Variants in CPM observed in about 807,000 individuals in gnomAD.
CPM encodes the protein renal carboxypeptidase.
A neutral mutation model predicts 46.4 loss-of-function variants in CPM; 35 were observed. The ratio of observed to expected loss-of-function variants is 0.75; its 90% CI spans 0.58 to 1.00. CPM has a LOEUF of 1.00. Ranked by LOEUF, CPM falls within the 50% of genes least tolerant of loss-of-function variation. The pLI is 0.00. For missense variants in CPM, 422 were observed against 530.4 expected, an observed-to-expected ratio of 0.80 and a Z score of 2.01; for synonymous variants, 195 against 195.3, an observed-to-expected ratio of 1.00 and a Z score of 0.01.
rs151276569 is a variant in CPM at position 68,892,548 on chromosome 12, A to G, written c.161-6659T>C. ...CCTGCACTCAGTTTGAATGCTAGTC[A>G]GCAAATAGGCTAAGAAAGTAGGGTA... On this transcript the variant is annotated intron_variant, in intron 2 of 8. Transcript: ENST00000551568. 1.3e-3 allele frequency among the ~76,000 whole-genome samples: 191 copies of G among 152,302 alleles called. 1 individual carries two copies. Among genetic ancestry groups the G allele is most frequent in the African/African-American group, 4.5e-3 (185 of 41,556 alleles).
chr12:68,892,295 T>G (rs1886688032), intron 2 of CPM, among the ~76,000 whole-genome samples: 1 of 152,230 alleles, frequency 6.6e-6, no homozygotes, highest in Admixed American at 6.5e-5. Context: ...GGTTATTGTC[T>G]GTCTCCCCTC....
chr12:68,932,508 A>G (rs1017788553), intron 2 of CPM, among the ~76,000 whole-genome samples, 170 bp downstream of exon 2: 1 of 152,210 alleles, frequency 6.6e-6, no homozygotes, highest in African/African-American at 2.4e-5. Context: ...TCTTCCTACT[A>G]TTCCTCCCAA....
chr12:68,879,517 C>T (rs1287309002), intron 3 of CPM, among the ~76,000 whole-genome samples: 2 of 152,158 alleles, frequency 1.3e-5, no homozygotes, highest in Non-Finnish European at 1.5e-5. Context: ...GTATGCACCA[C>T]CCCACCTAGC....
intron 1 of CPM, chr12:68,957,436 C>A: frequency 3.7e-6 from 1 of 270,032 alleles, no homozygotes. Flanking sequence ...CCCTTCTGAG[C>A]TCCCTGTCTT....
At chr12:68,928,617 T>G (rs116931670) in intron 2 of CPM, among the ~76,000 whole-genome samples, 7,020 of 152,320 alleles carry the variant, frequency 0.046, 236 homozygotes, top group Middle Eastern at 0.11. Context: ...TAACAGAGAC[T>G]ACTAAATTTG....
chr12:68,895,349 G>A (rs1248474268), intron 2 of CPM, among the ~76,000 whole-genome samples: 1 of 152,164 alleles, frequency 6.6e-6, no homozygotes, highest in African/African-American at 2.4e-5. Context: ...TCTGACATAA[G>A]ACAGGCAATG....
In CPM at chr12:68,851,863, C is replaced by A. The variant is rs1592623339; in HGVS notation, c.*4574G>T. ...GTCATCATAATTTTCTCCCCCTTCCCCCTTCTAAAGTCATGAGGAAAATAT... is the reference window on the plus strand; with the variant it reads ...GTCATCATAATTTTCTCCCCCTTCCACCTTCTAAAGTCATGAGGAAAATAT... On this transcript the variant is annotated 3_prime_UTR_variant, in exon 9 of 9. Transcript: ENST00000551568. The A allele has an allele frequency of 6.6e-6, 1 of 152,288 alleles. No individual in the cohort carries two copies. Among genetic ancestry groups the A allele is most frequent in the South Asian group, 2.1e-4 (1 of 4,826 alleles). 9.4% of individuals were successfully genotyped at this position (152,288 alleles called of 1,614,324 possible).
chr12:68,929,265 C>T (rs1376525671), intron 2 of CPM, among the ~76,000 whole-genome samples: 3 of 152,098 alleles, frequency 2.0e-5, no homozygotes, highest in Non-Finnish European at 4.4e-5. Flanking sequence ...GAATGACACA[C>T]ACGTTTGTTT....
At chr12:68,865,886 G>T (rs1885420685) in intron 7 of CPM, among the ~76,000 whole-genome samples, 1 of 152,178 alleles carries the variant, frequency 6.6e-6, no homozygotes, top group African/African-American at 2.4e-5. Flanking sequence ...TGGACCAGCA[G>T]CATCAGCATC....
rs1264339714 is a variant in CPM, at chr12:68,854,742, G to T, written c.*1695C>A. On this transcript the variant is annotated 3_prime_UTR_variant, in exon 9 of 9. Coordinates refer to ENST00000551568, the MANE Select transcript of CPM (RefSeq NM_198320.5). ...TGGACGATGGACTGAAGAGGAGAAG[G>T]CTGGGAGCAAGGGACCAGTAAGCTG... 6.6e-6 allele frequency: 1 copy of T among 152,484 alleles called. No homozygotes were observed. The highest frequency in any genetic ancestry group is 1.5e-5 in the Non-Finnish European group (1 of 68,266). The allele number at this position is 152,484 out of a possible 1,614,324, so 9.4% of individuals were successfully genotyped here.
At chr12:68,913,432 C>T (rs1398832622) in intron 2 of CPM, among the ~76,000 whole-genome samples, 1 of 152,140 alleles carries the variant, frequency 6.6e-6, no homozygotes, top group Non-Finnish European at 1.5e-5. Flanking sequence ...GATCTTTTGC[C>T]TAACCCAACA....
In CPM at chr12:68,869,461, A is replaced by G. The variant is rs1242827191; in HGVS notation, c.651T>C (p.Pro217=). The change falls in exon 6 of 9, where the codon CCT becomes CCC. Residue 217 remains proline (P), a synonymous_variant. Coordinates refer to ENST00000551568, the MANE Select transcript of CPM (RefSeq NM_198320.5). ...TGALYSRSLT[P]DDDVFQYLAH... The stretch of plus-strand genomic sequence containing the variant: ...CAAGATATTGAAAAACATCATCATC[A>G]GGCGTTAAGCTTCGGGAGTATAATG... 6.2e-7 allele frequency: 1 copy of G among 1,612,868 alleles called. No homozygotes were observed. The highest frequency in any genetic ancestry group is 2.2e-5 in the East Asian group (1 of 44,846).
intron 3 of CPM, among the ~76,000 whole-genome samples, chr12:68,875,729 C>T (rs1885921774): frequency 6.6e-6 from 1 of 150,448 alleles, no homozygotes; most frequent in Non-Finnish European, 1.5e-5. Flanking sequence ...TCGCTTGAAC[C>T]TGGGAGTTGG....
intron 2 of CPM, among the ~76,000 whole-genome samples, chr12:68,889,201 T>C (rs1417601332): frequency 6.6e-6 from 1 of 152,188 alleles, no homozygotes; most frequent in Non-Finnish European, 1.5e-5. Context: ...GAGAGGTAGT[T>C]GATATTTAGG....
At chr12:68,955,456 C>T (rs1329865460) in intron 1 of CPM, among the ~76,000 whole-genome samples, 1 of 151,736 alleles carries the variant, frequency 6.6e-6, no homozygotes, top group Non-Finnish European at 1.5e-5. Context: ...AGGGCCGCAG[C>T]TCTTCTCTTC....
chr12:68,924,906 T>C (rs1050173883), intron 2 of CPM, among the ~76,000 whole-genome samples: 1 of 152,204 alleles, frequency 6.6e-6, no homozygotes, highest in East Asian at 1.9e-4. Context: ...ACATAGTACT[T>C]TCCTCTTAGG....
upstream of CPM, among the ~76,000 whole-genome samples, chr12:68,934,395 CTTCT>C (rs1225185514): frequency 6.6e-6 from 1 of 152,184 alleles, no homozygotes; most frequent in Non-Finnish European, 1.5e-5. Flanking sequence ...TTCCCTGCCC[CTTCT>C]TTCTTACAGA....
At chr12:68,870,070 A>G (rs1161186168) in intron 5 of CPM, 145 bp downstream of exon 5, 1 of 759,432 alleles carries the variant, frequency 1.3e-6, no homozygotes, top group South Asian at 2.1e-5. Flanking sequence ...CACAGGAAGG[A>G]TGGCTAGAGT....
chr12:68,863,645 C>T lies in CPM; in HGVS notation c.940+3251G>A, dbSNP rs150301296. 4.6e-3 allele frequency among the ~76,000 whole-genome samples: 701 copies of T among 152,274 alleles called. 6 individuals carry two copies. The highest frequency in any genetic ancestry group is 0.016 in the African/African-American group (681 of 41,542). On this transcript the variant is annotated intron_variant, in intron 7 of 8. Coordinates refer to ENST00000551568, the MANE Select transcript of CPM (RefSeq NM_198320.5). ...ACACTGAGATTCAGACAAGTGCTTGCTCAAGATTGCAAACATCGCCAGATG... is the reference window on the plus strand; with the variant it reads ...ACACTGAGATTCAGACAAGTGCTTGTTCAAGATTGCAAACATCGCCAGATG...
Sources: gnomAD v4.1 joint callset for allele counts (sites outside exome capture counted in the v4.1 genomes callset) on GRCh38, gnomAD v4.1.1 for gene constraint, MANE v1.5 for transcripts, NCBI Gene and HGNC (gene_info 2026-07-23, HGNC 2026-07-21) for gene names.